Variants in OR7E24 observed in about 807,000 individuals in gnomAD.
OR7E24 encodes olfactory receptor family 7 subfamily E member 24, also known as olfactory receptor 7E24.
For synonymous variants in OR7E24, 130 were observed against 157.5 expected (o/e 0.83, Z 1.31); for missense variants, 385 against 410.3 (o/e 0.94, Z 0.53).
At chr19:9,239,383 A>C in the OR7E24 span, among the ~76,000 whole-genome samples, 4 of 152,104 alleles carry the variant, frequency 2.6e-5, 1 homozygote, top group Admixed American at 2.6e-4. Context: ...CGTGTTAGCC[A>C]GGATGGTCTT....
chr19:9,225,464 GGGAAGGAAGGAAGGAAAGAA>G, the OR7E24 span, among the ~76,000 whole-genome samples: 1 of 147,520 alleles, frequency 6.8e-6, no homozygotes, highest in Non-Finnish European at 1.5e-5. Context: ...GAGGGAGGGA[GGGAAGGAAGGAAGGAAAGAA>G]GGAAGGAAGG....
At chr19:9,236,284 G>A in the OR7E24 span, 8 of 479,812 alleles carry the variant, frequency 1.7e-5, no homozygotes, top group East Asian at 7.9e-5. Flanking sequence ...AGGCAGAGGC[G>A]GGCAGATCAT....
the OR7E24 span, among the ~76,000 whole-genome samples, chr19:9,217,535 GGTTTGTTTGTTT>G: frequency 1.3e-5 from 2 of 151,822 alleles, no homozygotes; most frequent in African/African-American, 2.4e-5. Context: ...ATGGATCATT[GGTTTGTTTGTTT>G]GTTTGTTTGG....
the OR7E24 span, chr19:9,210,297 T>G: frequency 1.3e-5 from 2 of 152,044 alleles, no homozygotes; most frequent in African/African-American, 2.4e-5. Context: ...GGGTGGAATG[T>G]GAAAGTTTAT....
the OR7E24 span, chr19:9,214,078 T>C: frequency 6.2e-7 from 1 of 1,613,988 alleles, no homozygotes; most frequent in East Asian, 2.2e-5. Flanking sequence ...CCAAGTCCTG[T>C]TCCATAGAAC....
At chr19:9,235,945 T>C in the OR7E24 span, 5 of 1,610,474 alleles carry the variant, frequency 3.1e-6, no homozygotes, top group Middle Eastern at 1.7e-4. Context: ...GACCCATTCT[T>C]CCCAGAGCAG....
chr19:9,221,872 T>C, the OR7E24 span, among the ~76,000 whole-genome samples: 1 of 152,198 alleles, frequency 6.6e-6, no homozygotes, highest in South Asian at 2.1e-4. Flanking sequence ...GCTTCAGAGG[T>C]CATATCCAAA....
chr19:9,236,024 A>C, the OR7E24 span: 5 of 1,610,078 alleles, frequency 3.1e-6, no homozygotes, highest in Non-Finnish European at 4.2e-6. Context: ...AGCCTGAGGA[A>C]CAAGGATGTG....
the OR7E24 span, chr19:9,212,044 A>G: frequency 6.6e-6 from 1 of 152,104 alleles, no homozygotes; most frequent in African/African-American, 2.4e-5. Context: ...TTCTTTAAAA[A>G]TGTTTTAAAA....
the OR7E24 span, chr19:9,212,924 A>G: frequency 5.1e-4 from 77 of 152,200 alleles, no homozygotes; most frequent in African/African-American, 1.8e-3. Flanking sequence ...CGAAAATTTT[A>G]TATCACTGTT....
At chr19:9,235,633 A>C in the OR7E24 span, 1 of 1,584,010 alleles carries the variant, frequency 6.3e-7, no homozygotes, top group African/African-American at 1.4e-5. Flanking sequence ...TCTACTGATG[A>C]AGAGGCTGAC....
the OR7E24 span, among the ~76,000 whole-genome samples, chr19:9,239,704 T>TTTC: frequency 6.6e-4 from 96 of 144,916 alleles, 1 homozygote; most frequent in African/African-American, 2.2e-3. Context: ...TCTTTTTCTT[T>TTTC]TTCTTTTTTT....
chr19:9,229,342 C>G, the OR7E24 span, among the ~76,000 whole-genome samples: 1 of 151,780 alleles, frequency 6.6e-6, no homozygotes, highest in East Asian at 1.9e-4. Context: ...CCAGCCTGGC[C>G]AATATGGTGA....
the OR7E24 span, chr19:9,219,532 C>T: frequency 1.3e-5 from 2 of 152,244 alleles, no homozygotes; most frequent in African/African-American, 4.8e-5. Flanking sequence ...CTGGGTCACA[C>T]TAACTCTGAT....
chr19:9,227,124 CT>C, the OR7E24 span, among the ~76,000 whole-genome samples: 1 of 152,134 alleles, frequency 6.6e-6, no homozygotes, highest in Non-Finnish European at 1.5e-5. Context: ...TAGCTTTCAC[CT>C]ATAAGTGAGA....
the OR7E24 span, among the ~76,000 whole-genome samples, chr19:9,223,415 A>G: frequency 6.6e-6 from 1 of 152,198 alleles, no homozygotes; most frequent in Non-Finnish European, 1.5e-5. Flanking sequence ...TCTGCCTCCT[A>G]TGTGACATAC....
chr19:9,243,844 C>G (rs114548827), upstream of OR7E24, among the ~76,000 whole-genome samples: 1,318 of 152,350 alleles, frequency 8.7e-3, 14 homozygotes, highest in African/African-American at 0.03. Flanking sequence ...GCAACTTCAG[C>G]TGCAGAGACC....
the OR7E24 span, among the ~76,000 whole-genome samples, chr19:9,227,072 T>C: frequency 6.6e-6 from 1 of 152,170 alleles, no homozygotes; most frequent in Non-Finnish European, 1.5e-5. Context: ...AAGGCCTCAG[T>C]GTGTGTAGTT....
At chr19:9,227,749 C>CTTTTTT in the OR7E24 span, among the ~76,000 whole-genome samples, 18 of 107,916 alleles carry the variant, frequency 1.7e-4, no homozygotes, top group African/African-American at 1.9e-4. Context: ...AATGGTATTT[C>CTTTTTT]TTTTTTTTTT....
Sources: gnomAD v4.1 joint callset for allele counts (sites outside exome capture counted in the v4.1 genomes callset) on GRCh38, gnomAD v4.1.1 for gene constraint, MANE v1.5 for transcripts, NCBI Gene and HGNC (gene_info 2026-07-23, HGNC 2026-07-21) for gene names.